The following NCKAP5 variants were observed in gnomAD, a reference collection of about 807,000 sequenced individuals.
NCKAP5 encodes the protein NCK associated protein 5, also known as nck-associated protein 5.
Under a neutral mutation model 167.0 loss-of-function variants are expected in NCKAP5, and 92 were observed. That is an observed-to-expected ratio of 0.55 (90% CI 0.47 to 0.66). The LOEUF (loss-of-function observed/expected upper bound fraction) is 0.66. Ranked by LOEUF, NCKAP5 falls within the 30% of genes least tolerant of loss-of-function variation. The probability of loss-of-function intolerance (pLI) is 0.00; values close to 1 mark genes in which losing one functional copy is unlikely to be tolerated. For synonymous variants in NCKAP5, 891 were observed against 877.4 expected (o/e 1.02, Z -0.27); for missense variants, 2,378 against 2,315.0 (o/e 1.03, Z -0.56).
At chr2:133,062,831 T>C (rs2080053273) in intron 6 of NCKAP5, among the ~76,000 whole-genome samples, 1 of 152,200 alleles carries the variant, frequency 6.6e-6, no homozygotes, top group African/African-American at 2.4e-5. Flanking sequence ...AATGTTTACA[T>C]AGAAATCTTT....
At chr2:133,049,353 G>A (rs1376917061) in intron 6 of NCKAP5, among the ~76,000 whole-genome samples, 1 of 151,996 alleles carries the variant, frequency 6.6e-6, no homozygotes, top group Non-Finnish European at 1.5e-5. Flanking sequence ...AGAGCATCCT[G>A]GCTAACACAG....
intron 8 of NCKAP5, among the ~76,000 whole-genome samples, chr2:132,932,161 A>T (rs1213599911): frequency 1.3e-5 from 2 of 152,110 alleles, no homozygotes; most frequent in African/African-American, 4.8e-5. Flanking sequence ...CAAAAGGAGG[A>T]CTGTTTTATA....
intron 5 of NCKAP5, among the ~76,000 whole-genome samples, chr2:133,206,075 C>T (rs1162882566): frequency 2.6e-5 from 4 of 152,068 alleles, no homozygotes; most frequent in Non-Finnish European, 4.4e-5. Flanking sequence ...AGAAGTACAA[C>T]AATAAAATGA....
At chr2:132,815,330 G>A (rs1686180696) in intron 11 of NCKAP5, among the ~76,000 whole-genome samples, 1 of 152,132 alleles carries the variant, frequency 6.6e-6, no homozygotes, top group African/African-American at 2.4e-5. Context: ...GCTGCTCTTA[G>A]ACTCATTTGA....
intron 16 of NCKAP5, among the ~76,000 whole-genome samples, chr2:132,760,453 G>C (rs1273796718): frequency 6.6e-6 from 1 of 152,064 alleles, no homozygotes; most frequent in African/African-American, 2.4e-5. Flanking sequence ...GGTTTTCATT[G>C]TTTTCAGAAA....
At chr2:133,219,562 T>C (rs2086570821) in intron 4 of NCKAP5, among the ~76,000 whole-genome samples, 1 of 152,210 alleles carries the variant, frequency 6.6e-6, no homozygotes, top group African/African-American at 2.4e-5. Flanking sequence ...TAAGTTATTT[T>C]ATATATTAGG....
the NCKAP5 span, among the ~76,000 whole-genome samples, chr2:133,625,168 A>G: frequency 6.6e-6 from 1 of 152,352 alleles, no homozygotes; most frequent in African/African-American, 2.4e-5. Flanking sequence ...GTTGTCATTG[A>G]AAAGTCATTC....
At chr2:133,370,399 CAG>C (rs893800357) in intron 3 of NCKAP5, among the ~76,000 whole-genome samples, 1 of 152,168 alleles carries the variant, frequency 6.6e-6, no homozygotes, top group Non-Finnish European at 1.5e-5. Context: ...CTCAGCTACA[CAG>C]AGATTCTGTT....
chr2:133,034,812 G>GA (rs1249277223), intron 6 of NCKAP5, among the ~76,000 whole-genome samples: 2 of 151,704 alleles, frequency 1.3e-5, no homozygotes, highest in Non-Finnish European at 2.9e-5. Flanking sequence ...GATCACCAGA[G>GA]AAAATTATTT....
At chr2:132,708,817 C>G (rs1688592480) in intron 19 of NCKAP5, among the ~76,000 whole-genome samples, 1 of 152,012 alleles carries the variant, frequency 6.6e-6, no homozygotes, top group Admixed American at 6.6e-5. Flanking sequence ...ATACATGGTG[C>G]TAATATTTGT....
At chr2:133,289,817 C>A (rs569975286) in intron 4 of NCKAP5, among the ~76,000 whole-genome samples, 2 of 152,160 alleles carry the variant, frequency 1.3e-5, no homozygotes, top group African/African-American at 4.8e-5. Flanking sequence ...GTATAGGAAG[C>A]ATGGGTGGGG....
intron 6 of NCKAP5, among the ~76,000 whole-genome samples, chr2:133,026,237 G>T (rs1366322767): frequency 1.3e-5 from 2 of 151,950 alleles, no homozygotes; most frequent in Admixed American, 1.3e-4. Context: ...GTAGACTCTG[G>T]ATATTAGACT....
chr2:133,468,216 G>T lies in NCKAP5; in HGVS notation c.69+49242C>A, dbSNP rs186219627. 4.9e-4 allele frequency among the ~76,000 whole-genome samples: 69 copies of T among 139,814 alleles called. 18 individuals carry two copies. In the East Asian group the frequency reaches 0.017, roughly 34 times the overall value. 91.7% of individuals were successfully genotyped at this position (139,814 alleles called of 152,430 possible). ...AGAGATTCTGGTATATTGTGTCTTT[G>T]TTCTAGTTGGTTTCAAAGAACATTT... On this transcript the variant is annotated intron_variant, in intron 3 of 19. Coordinates refer to ENST00000409261, the MANE Select transcript of NCKAP5 (RefSeq NM_207363.3).
Position 133,228,591 on chromosome 2 carries a change from A to G in NCKAP5, c.144-14812T>C, listed in dbSNP as rs140927097. Among the ~76,000 whole-genome samples the G allele has an allele frequency of 3.2e-4, 48 of 152,304 alleles. No homozygotes were observed. The East Asian group carries it at 8.3e-3, about 26-fold the overall frequency. ...TGTCACCACCATCAGCACGTTTTAT[A>G]CTGTGCACATTCCTAGAAAAGTTAA... On this transcript the variant is annotated intron_variant, in intron 4 of 19. Coordinates refer to ENST00000409261, the MANE Select transcript of NCKAP5 (RefSeq NM_207363.3).
intron 6 of NCKAP5, among the ~76,000 whole-genome samples, chr2:133,001,406 GA>G (rs2077775395): frequency 6.6e-6 from 1 of 152,004 alleles, no homozygotes; most frequent in African/African-American, 2.4e-5. Flanking sequence ...TTTTCGGAGA[GA>G]CAGGGTTTTG....
chr2:132,894,748 C>T (rs917280277), intron 8 of NCKAP5, among the ~76,000 whole-genome samples: 4 of 152,144 alleles, frequency 2.6e-5, no homozygotes, highest in Admixed American at 1.3e-4. Context: ...GGCCTTGCAG[C>T]TAGTGGTGCA....
At chr2:132,743,528 A>G (rs559494877) in intron 16 of NCKAP5, among the ~76,000 whole-genome samples, 2 of 151,926 alleles carry the variant, frequency 1.3e-5, no homozygotes, top group South Asian at 4.1e-4. Flanking sequence ...ACTCACTAAA[A>G]CAGGAAAATA....
intron 3 of NCKAP5, among the ~76,000 whole-genome samples, chr2:133,414,199 T>C (rs955193160): frequency 5.3e-5 from 8 of 152,222 alleles, no homozygotes; most frequent in African/African-American, 1.4e-4. Context: ...AAATTATTTA[T>C]GAAACAGGTA....
intron 15 of NCKAP5, among the ~76,000 whole-genome samples, chr2:132,774,463 A>T (rs923240594): frequency 4.7e-5 from 7 of 150,516 alleles, no homozygotes; most frequent in Non-Finnish European, 1.0e-4. Flanking sequence ...CAGAGCAGTG[A>T]GTCATTTATC....
Sources: gnomAD v4.1 joint callset for allele counts (sites outside exome capture counted in the v4.1 genomes callset) on GRCh38, gnomAD v4.1.1 for gene constraint, MANE v1.5 for transcripts, NCBI Gene and HGNC (gene_info 2026-07-23, HGNC 2026-07-21) for gene names.